The following CSMD1 variants were observed in gnomAD, a reference collection of about 807,000 sequenced individuals.
CSMD1 encodes the protein CUB and sushi domain-containing protein 1.
In CSMD1, 213 loss-of-function variants were observed where a neutral mutation model predicts 417.5. The ratio of observed to expected loss-of-function variants is 0.51; its 90% CI spans 0.46 to 0.57. CSMD1 has a LOEUF of 0.57. CSMD1 is among the 20% of genes least tolerant of loss of function. The pLI is 0.00. For synonymous variants in CSMD1, 2,862 were observed against 1,736.8 expected, an observed-to-expected ratio of 1.65 and a Z score of -16.11; for missense variants, 6,923 against 4,529.7, an observed-to-expected ratio of 1.53 and a Z score of -15.17.
intron 12 of CSMD1, among the ~76,000 whole-genome samples, chr8:3,442,482 T>C (rs1183137247): frequency 6.6e-6 from 1 of 152,216 alleles, no homozygotes; most frequent in Non-Finnish European, 1.5e-5. Context: ...TTTTGTATGT[T>C]TACATATGTT....
intron 5 of CSMD1, among the ~76,000 whole-genome samples, chr8:3,910,631 A>G (rs748124233): frequency 1.6e-4 from 24 of 152,196 alleles, no homozygotes; most frequent in Admixed American, 1.6e-3. Context: ...ATATAAAGCT[A>G]TTGTGCTTAA....
chr8:3,300,108 G>A (rs1804272287), intron 25 of CSMD1, among the ~76,000 whole-genome samples: 1 of 152,094 alleles, frequency 6.6e-6, no homozygotes, highest in Admixed American at 6.6e-5. Flanking sequence ...GCACATTCAG[G>A]CAATGGAATA....
Position 4,740,911 on chromosome 8 carries a change from A to T in CSMD1, c.86-103353T>A, listed in dbSNP as rs191297074. ...TTTTCCACAACAGCTAACTTTCCTG[A>T]CTTTAAAGTTTCAAAACAAAAAACA... On this transcript the variant is annotated intron_variant, in intron 1 of 69. Transcript: ENST00000635120. Among the ~76,000 whole-genome samples the T allele has an allele frequency of 2.7e-3, 409 of 152,272 alleles. 4 individuals are homozygous for T. The highest frequency in any genetic ancestry group is 1.2e-3 in the Non-Finnish European group (83 of 68,018).
chr8:3,188,107 C>A, intron 35 of CSMD1, 142 bp from the exon 36 acceptor site: 1 of 276,766 alleles, frequency 3.6e-6, no homozygotes, highest in Non-Finnish European at 6.7e-6. Context: ...TATACATATA[C>A]ACCTTAATAA....
intron 2 of CSMD1, among the ~76,000 whole-genome samples, chr8:4,553,439 ATT>A (rs34779117): frequency 4.6e-4 from 64 of 139,406 alleles, no homozygotes; most frequent in East Asian, 6.2e-4. Context: ...CTGAAAAAGA[ATT>A]TTTTTTTTTT....
intron 3 of CSMD1, among the ~76,000 whole-genome samples, chr8:4,152,893 G>C (rs992660516): frequency 6.6e-6 from 1 of 152,040 alleles, no homozygotes; most frequent in Non-Finnish European, 1.5e-5. Flanking sequence ...TTAGACTTAA[G>C]ATTTTTCTCA....
intron 5 of CSMD1, among the ~76,000 whole-genome samples, chr8:3,788,016 G>A (rs547771605): frequency 2.0e-5 from 3 of 152,256 alleles, no homozygotes; most frequent in African/African-American, 7.2e-5. Context: ...TAAAAAAGAG[G>A]TGTCTTTGGC....
chr8:4,433,114 G>A (rs985469531), intron 2 of CSMD1, among the ~76,000 whole-genome samples: 1 of 152,190 alleles, frequency 6.6e-6, no homozygotes, highest in African/African-American at 2.4e-5. Flanking sequence ...ATCACCTCCA[G>A]ATGGGACTGA....
intron 8 of CSMD1, among the ~76,000 whole-genome samples, chr8:3,590,110 C>A (rs530275517): frequency 1.3e-5 from 2 of 151,848 alleles, no homozygotes; most frequent in East Asian, 3.9e-4. Flanking sequence ...ATAAAAATGA[C>A]ATGTAGTAAT....
chr8:3,839,601 T>C (rs987807664), intron 5 of CSMD1, among the ~76,000 whole-genome samples: 3 of 137,020 alleles, frequency 2.2e-5, no homozygotes, highest in African/African-American at 8.1e-5. Context: ...ATATGATATA[T>C]ATAGTTGCCC....
chr8:4,470,455 G>A (rs1800461422), intron 2 of CSMD1, among the ~76,000 whole-genome samples: 1 of 152,186 alleles, frequency 6.6e-6, no homozygotes, highest in South Asian at 2.1e-4. Context: ...GACAGGTTGG[G>A]GTCATGGTCG....
At chr8:3,490,996 A>T (rs755218129) in intron 11 of CSMD1, among the ~76,000 whole-genome samples, 14 of 152,202 alleles carry the variant, frequency 9.2e-5, no homozygotes, top group Non-Finnish European at 1.9e-4. Flanking sequence ...ATAATTGGAG[A>T]AACGTAACAA....
chr8:3,976,361 C>T (rs975106063), intron 5 of CSMD1, among the ~76,000 whole-genome samples: 3 of 152,094 alleles, frequency 2.0e-5, no homozygotes, highest in South Asian at 2.1e-4. Flanking sequence ...ACTATCATGA[C>T]GTTGATGAAG....
rs1256254536 is a variant in CSMD1 at position 4,237,406 on chromosome 8, C to T, written c.415+182547G>A. ...ATATAAAATGAGGTATTGATACACA[C>T]CCAGGCAGTTTTTTGTGAATATTTA... is the stretch of plus-strand genomic sequence containing the variant. On this transcript the variant is annotated intron_variant, in intron 3 of 69. Coordinates refer to ENST00000635120, the MANE Select transcript of CSMD1 (RefSeq NM_033225.6). Among the ~76,000 whole-genome samples the T allele has an allele frequency of 2.0e-5, 3 of 152,000 alleles. No individual in the cohort carries two copies. The East Asian group carries it at 5.8e-4, about 29-fold the overall frequency.
chr8:4,656,977 CA>C, intron 1 of CSMD1, among the ~76,000 whole-genome samples: 1 of 152,126 alleles, frequency 6.6e-6, no homozygotes, highest in South Asian at 2.1e-4. Context: ...ACATGAGGCA[CA>C]AGAGATGGAC....
At chr8:3,749,477 G>C (rs1797218834) in intron 6 of CSMD1, among the ~76,000 whole-genome samples, 1 of 152,166 alleles carries the variant, frequency 6.6e-6, no homozygotes, top group African/African-American at 2.4e-5. Flanking sequence ...AGTCAAAGAA[G>C]AAAGTGTAAG....
intron 5 of CSMD1, among the ~76,000 whole-genome samples, chr8:3,970,313 G>A (rs1056832819): frequency 1.3e-5 from 2 of 152,118 alleles, no homozygotes; most frequent in Non-Finnish European, 2.9e-5. Flanking sequence ...GAGGCACGGT[G>A]ATCAACACAG....
At chr8:3,457,254 C>T (rs1037903134) in intron 12 of CSMD1, among the ~76,000 whole-genome samples, 4 of 152,080 alleles carry the variant, frequency 2.6e-5, no homozygotes, top group African/African-American at 4.8e-5. Context: ...ACTCGTGAAC[C>T]TGTTTCCCTT....
intron 1 of CSMD1, among the ~76,000 whole-genome samples, chr8:4,750,138 T>G (rs35048315): frequency 6.6e-6 from 1 of 152,074 alleles, no homozygotes; most frequent in Non-Finnish European, 1.5e-5. Context: ...CCCGAGTAGC[T>G]GGGACTACAG....
Sources: gnomAD v4.1 joint callset for allele counts (sites outside exome capture counted in the v4.1 genomes callset) on GRCh38, gnomAD v4.1.1 for gene constraint, MANE v1.5 for transcripts, NCBI Gene and HGNC (gene_info 2026-07-23, HGNC 2026-07-21) for gene names.